The following VCPKMT variants were observed in gnomAD, a reference collection of about 807,000 sequenced individuals.
VCPKMT encodes the protein valosin containing protein lysine methyltransferase.
In VCPKMT, 32 loss-of-function variants were observed where a neutral mutation model predicts 28.6. That is an observed-to-expected ratio of 1.12 (90% CI 0.84 to 1.50). VCPKMT has a LOEUF of 1.50. Ranked by LOEUF, VCPKMT falls within the 40% of genes most tolerant of loss-of-function variation. The probability of loss-of-function intolerance (pLI) is 0.00; values close to 1 mark genes in which losing one functional copy is unlikely to be tolerated. For synonymous variants in VCPKMT, 138 were observed against 111.4 expected (o/e 1.24, Z -1.50); for missense variants, 366 against 285.0 (o/e 1.28, Z -2.05).
In VCPKMT at chr14:50,116,490, C is replaced by T. The variant is rs761451960; in HGVS notation, c.63G>A (p.Glu21=). ...DPLRSFVRVL[E]KRDGTVLRLQ... is the part of the protein sequence containing the mutation. ...GTCGTAGCACTGTACCATCCCGCTT[C>T]TCCAAAACTCGCACAAAGCTCCGCA... The change falls in exon 1 of 6, where the codon GAG becomes GAA. Residue 21 remains glutamate, a synonymous_variant. Transcript: ENST00000395860. 1.8e-5 allele frequency: 29 copies of T among 1,613,826 alleles called. No individual in the cohort carries two copies. Among genetic ancestry groups the T allele is most frequent in the Non-Finnish European group, 2.2e-5 (26 of 1,179,942 alleles).
In VCPKMT at chr14:50,116,317, C is replaced by T; in HGVS notation, c.236G>A (p.Gly79Glu). The part of the protein sequence containing the change: ...RSVLELGSGT[G>E]AVGLMAATLG... ...GGTAGCAGCCATGAGCCCCACGGCCCCGGTGCCCGAACCCAGCTCCAGCAC... is the reference window on the plus strand; with the variant it reads ...GGTAGCAGCCATGAGCCCCACGGCCTCGGTGCCCGAACCCAGCTCCAGCAC... Residue 79 changes from glycine (G) to glutamate (E), a missense_variant, in exon 1 of 6, where the codon GGG (glycine) becomes GAG (glutamate). Transcript: ENST00000395860. 6.2e-7 allele frequency: 1 copy of T among 1,609,008 alleles called. No homozygotes were observed. The highest frequency in any genetic ancestry group is 2.2e-5 in the East Asian group (1 of 44,670).
chr14:50,105,200 T>G (rs1452253679), downstream of VCPKMT, among the ~76,000 whole-genome samples: 1 of 152,214 alleles, frequency 6.6e-6, no homozygotes, highest in Non-Finnish European at 1.5e-5. Flanking sequence ...ATACTCTTCT[T>G]TAAAATACCT....
In VCPKMT at chr14:50,108,713, C is replaced by T. The variant is rs193295522; in HGVS notation, c.*986G>A. 8 of 985,790 alleles carry T rather than the reference C, an allele frequency of 8.1e-6. No individual in the cohort carries two copies. Among genetic ancestry groups the T allele is most frequent in the East Asian group, 1.1e-4 (1 of 8,812 alleles). The allele number at this position is 985,790 out of a possible 1,614,324, so 61.1% of individuals were successfully genotyped here. ...TGCCTATAAATACCAGAATTCCATC[C>T]GGTTACTACTCTTTGGAACAAGTAT... On this transcript the variant is annotated 3_prime_UTR_variant, in exon 6 of 6. Transcript: ENST00000395860.
At chr14:50,111,882 C>T in intron 5 of VCPKMT, 4 of 978,310 alleles carry the variant, frequency 4.1e-6, no homozygotes, top group Non-Finnish European at 4.9e-6. Context: ...GAGTGAGACC[C>T]TATTTCAAAA....
chr14:50,106,746 C>G, downstream of VCPKMT: 1 of 537,954 alleles, frequency 1.9e-6, no homozygotes, highest in Non-Finnish European at 2.4e-6. Context: ...GAGATAGGGT[C>G]TCACTGTCAC....
At chr14:50,113,219 G>C (rs1290405923) in intron 4 of VCPKMT, among the ~76,000 whole-genome samples, 1 of 152,156 alleles carries the variant, frequency 6.6e-6, no homozygotes, top group African/African-American at 2.4e-5. Context: ...CTCAGCACTT[G>C]ACTGATACAT....
chr14:50,116,270 C>T lies in VCPKMT; in HGVS notation c.266+17G>A. On this transcript the variant is annotated intron_variant, in intron 1 of 5. Coordinates refer to ENST00000395860, the MANE Select transcript of VCPKMT (RefSeq NM_024558.3). ...CAAGAAGGCGCCCCCACATCCCGCC[C>T]GCCCGCCAGCTCTTACCCGAGGGTA... 1 of 1,604,772 alleles carries T rather than the reference C, an allele frequency of 6.2e-7. No individual in the cohort carries two copies. The highest frequency in any genetic ancestry group is 8.5e-7 in the Non-Finnish European group (1 of 1,175,574).
chr14:50,111,887 T>C, intron 5 of VCPKMT: 1 of 980,090 alleles, frequency 1.0e-6, no homozygotes, highest in Non-Finnish European at 1.2e-6. Flanking sequence ...AGACCCTATT[T>C]CAAAAAAAAA....
At chr14:50,106,712 T>C (rs1882334243), downstream of VCPKMT, 1 of 863,044 alleles carries the variant, frequency 1.2e-6, no homozygotes, top group Admixed American at 6.2e-5. Context: ...TCCTCAGGCC[T>C]TCCTCCTGCG....
rs1566803516 is a variant in VCPKMT at position 50,109,299 on chromosome 14, TA to T, written c.*399del. 2.0e-6 allele frequency: 2 copies of T among 994,460 alleles called. No individual in the cohort carries two copies. The highest frequency in any genetic ancestry group is 3.5e-5 in the African/African-American group (2 of 57,730). The allele number at this position is 994,460 out of a possible 1,614,324, so 61.6% of individuals were successfully genotyped here. A position where few individuals can be genotyped will look rare whatever the true frequency, so the allele number is the denominator to read the frequency against. ...AAACTAAAATTTACTAGTTTGAATT[TA>T]AAACATTATTATATAATAGCAGATA... On this transcript the variant is annotated 3_prime_UTR_variant, in exon 6 of 6. Transcript: ENST00000395860.
chr14:50,108,115 G>A (rs1044941319), downstream of VCPKMT, among the ~76,000 whole-genome samples: 1 of 148,368 alleles, frequency 6.7e-6, no homozygotes, highest in Non-Finnish European at 1.5e-5. Flanking sequence ...CCCAAGCCTG[G>A]GAAGAGTAGG....
rs780547276 is a variant in VCPKMT, at chr14:50,116,248, GA to G, written c.266+38del. The G allele has an allele frequency of 8.7e-6, 14 of 1,610,848 alleles. No homozygotes were observed. The South Asian group carries it at 1.5e-4, about 18-fold the overall frequency. ...CCTGTAATCCGGATTTCCCCAGCAAGAAGGCGCCCCCACATCCCGCCCGCCC... is the reference window on the plus strand; with the variant it reads ...CCTGTAATCCGGATTTCCCCAGCAAGAGGCGCCCCCACATCCCGCCCGCCC... On this transcript the variant is annotated intron_variant, in intron 1 of 5. Coordinates refer to ENST00000395860, the MANE Select transcript of VCPKMT (RefSeq NM_024558.3).
At chr14:50,111,314 A>G (rs944908127) in intron 5 of VCPKMT, 1 of 985,208 alleles carries the variant, frequency 1.0e-6, no homozygotes, top group African/African-American at 1.7e-5. Flanking sequence ...TTTTTTTTGT[A>G]TCTGTGGCAC....
At chr14:50,110,324 T>C (rs1021258555) in intron 5 of VCPKMT, among the ~76,000 whole-genome samples, 2 of 152,050 alleles carry the variant, frequency 1.3e-5, no homozygotes, top group Non-Finnish European at 2.9e-5. Context: ...ACCCACAGAA[T>C]GGGAGAAAAT....
At chr14:50,114,771 C>A (rs1291669172) in intron 3 of VCPKMT, among the ~76,000 whole-genome samples, 1 of 152,148 alleles carries the variant, frequency 6.6e-6, no homozygotes, top group Non-Finnish European at 1.5e-5. Context: ...ATTACTTGAG[C>A]CTCAGGAGCT....
chr14:50,109,394 C>A lies in VCPKMT; in HGVS notation c.*305G>T, dbSNP rs1395378886. 7.3e-6 allele frequency: 8 copies of A among 1,099,154 alleles called. No individual in the cohort carries two copies. The highest frequency in any genetic ancestry group is 8.8e-6 in the Non-Finnish European group (8 of 904,972). The allele number at this position is 1,099,154 out of a possible 1,614,324, so 68.1% of individuals were successfully genotyped here. A position where few individuals can be genotyped will look rare whatever the true frequency, so the allele number is the denominator to read the frequency against. On this transcript the variant is annotated 3_prime_UTR_variant, in exon 6 of 6. Coordinates refer to ENST00000395860, the MANE Select transcript of VCPKMT (RefSeq NM_024558.3). ...GTCAAATCATGTTGGCTGTTTTTGG[C>A]AGATTTCAGCCTCGCCTCAATACCA... is the stretch of plus-strand genomic sequence containing the variant.
At chr14:50,115,741 G>C in intron 3 of VCPKMT, 98 bp downstream of exon 3, 1 of 1,397,326 alleles carries the variant, frequency 7.2e-7, no homozygotes, top group Non-Finnish European at 9.9e-7. Flanking sequence ...GCAAATCCCG[G>C]ATTCAAAGAT....
At chr14:50,111,168 T>TG in intron 5 of VCPKMT, 1 of 742,748 alleles carries the variant, frequency 1.3e-6, no homozygotes, top group Non-Finnish European at 1.5e-6. Flanking sequence ...AAAATAAGAG[T>TG]TTTTTTTTTT....
chr14:50,115,985 G>C, intron 2 of VCPKMT, 74 bp from the exon 3 acceptor site: 2 of 1,595,924 alleles, frequency 1.3e-6, no homozygotes, highest in Non-Finnish European at 1.7e-6. Flanking sequence ...GAACCGGAAA[G>C]TCCCCTTCCA....
Sources: gnomAD v4.1 joint callset for allele counts (sites outside exome capture counted in the v4.1 genomes callset) on GRCh38, gnomAD v4.1.1 for gene constraint, MANE v1.5 for transcripts, NCBI Gene and HGNC (gene_info 2026-07-23, HGNC 2026-07-21) for gene names.